The following NOL4L variants were observed in gnomAD, a reference collection of about 807,000 sequenced individuals.
NOL4L encodes nucleolar protein 4-like.
NOL4L carries 7 observed loss-of-function variants against 64.5 expected under a neutral mutation model. That is an observed-to-expected ratio of 0.11 (90% CI 0.06 to 0.20). The LOEUF (loss-of-function observed/expected upper bound fraction) is 0.20, where lower values mean the gene tolerates loss of function less well. Among genes scored for constraint, NOL4L ranks in the 10% least tolerant of loss-of-function variants. The pLI, the probability that NOL4L is intolerant of heterozygous loss-of-function variation, is 1.00. For missense variants in NOL4L, 680 were observed against 967.1 expected, an observed-to-expected ratio of 0.70 and a Z score of 3.94; for synonymous variants, 413 against 401.0, an observed-to-expected ratio of 1.03 and a Z score of -0.36.
At chr20:32,452,813 C>T in intron 9 of NOL4L, 71 bp downstream of exon 9, 1 of 1,595,788 alleles carries the variant, frequency 6.3e-7, no homozygotes, top group Admixed American at 1.7e-5. Context: ...TCCCTCAGTC[C>T]ACACCCATAT....
chr20:32,473,488 A>C (rs1956870298), intron 5 of NOL4L, among the ~76,000 whole-genome samples: 1 of 152,090 alleles, frequency 6.6e-6, no homozygotes, highest in Admixed American at 6.6e-5. Context: ...GCCGGCAGCC[A>C]CGCACCCCAC....
intron 5 of NOL4L, among the ~76,000 whole-genome samples, chr20:32,458,488 C>T (rs1418199989): frequency 1.3e-5 from 2 of 152,224 alleles, no homozygotes; most frequent in East Asian, 1.9e-4. Flanking sequence ...ATCTGCCCCA[C>T]CAGGACAGAC....
intron 1 of NOL4L, chr20:32,535,722 G>A: frequency 1.0e-6 from 1 of 985,362 alleles, no homozygotes; most frequent in Non-Finnish European, 1.2e-6. Context: ...TCTTTCTTTT[G>A]GGTTTTGTTA....
intron 6 of NOL4L, among the ~76,000 whole-genome samples, chr20:32,455,697 G>A (rs967938411): frequency 3.3e-5 from 5 of 152,178 alleles, no homozygotes; most frequent in Non-Finnish European, 7.3e-5. Context: ...CTGGGCCCTC[G>A]CCCTTTTTTC....
intron 1 of NOL4L, among the ~76,000 whole-genome samples, chr20:32,541,882 T>C (rs2018661842): frequency 6.6e-6 from 1 of 152,234 alleles, no homozygotes; most frequent in South Asian, 2.1e-4. Flanking sequence ...TGTCCAGAGC[T>C]GGTGGCTAGA....
chr20:32,493,812 G>A (rs2145523068), intron 4 of NOL4L, among the ~76,000 whole-genome samples: 1 of 152,334 alleles, frequency 6.6e-6, no homozygotes, highest in South Asian at 2.1e-4. Context: ...TGGAGCCGAT[G>A]GTGCTGGTGC....
At chr20:32,521,244 G>A (rs1402052283) in intron 2 of NOL4L, among the ~76,000 whole-genome samples, 1 of 152,096 alleles carries the variant, frequency 6.6e-6, no homozygotes, top group African/African-American at 2.4e-5. Context: ...ACAAAAAAAT[G>A]GGCTTACAAA....
chr20:32,529,823 A>G (rs2018278584), intron 1 of NOL4L, among the ~76,000 whole-genome samples: 1 of 152,206 alleles, frequency 6.6e-6, no homozygotes, highest in South Asian at 2.1e-4. Flanking sequence ...CTGTGTGTAC[A>G]GGAGAAGCCA....
At chr20:32,462,058 G>A (rs1259710582) in intron 5 of NOL4L, among the ~76,000 whole-genome samples, 3 of 152,064 alleles carry the variant, frequency 2.0e-5, no homozygotes, top group African/African-American at 4.8e-5. Context: ...AGCTGGGCCC[G>A]AGGACATCAC....
At chr20:32,555,466 AT>A (rs1030502509) in intron 1 of NOL4L, among the ~76,000 whole-genome samples, 20 of 147,764 alleles carry the variant, frequency 1.4e-4, no homozygotes, top group East Asian at 8.0e-4. Context: ...TGCCTGGCTA[AT>A]TTTTTTTTTT....
At chr20:32,521,907 C>T (rs1223175739) in intron 2 of NOL4L, among the ~76,000 whole-genome samples, 3 of 152,246 alleles carry the variant, frequency 2.0e-5, no homozygotes, top group African/African-American at 4.8e-5. Flanking sequence ...ATCACCCAAG[C>T]GTTCCGCTGT....
In NOL4L at chr20:32,464,410, A is replaced by G. The variant is rs1022813278; in HGVS notation, c.842-8015T>C. ...ATTCTCCACGTGGCCCTCAGGCCCCAGCTGCCTGCACAGCTGCCCTCCTGA... is the reference window on the plus strand; with the variant it reads ...ATTCTCCACGTGGCCCTCAGGCCCCGGCTGCCTGCACAGCTGCCCTCCTGA... On this transcript the variant is annotated intron_variant, in intron 5 of 10. Transcript: ENST00000621426. This position sits in a 1 kb window ranked among gnomAD's most constrained non-coding sequence, Gnocchi z 5.6. Among the ~76,000 whole-genome samples the G allele has an allele frequency of 6.6e-6, 1 of 152,158 alleles. No homozygotes were observed. The highest frequency in any genetic ancestry group is 2.4e-5 in the African/African-American group (1 of 41,432).
intron 5 of NOL4L, among the ~76,000 whole-genome samples, chr20:32,461,205 GGCCC>G (rs1294571318): frequency 7.2e-5 from 11 of 152,162 alleles, no homozygotes; most frequent in Non-Finnish European, 1.6e-4. Flanking sequence ...CCCTCCTTTG[GGCCC>G]ACCAGGCCCT....
chr20:32,456,136 C>A lies in NOL4L; in HGVS notation c.1101G>T (p.Gly367=), dbSNP rs1393956988. The A allele has an allele frequency of 6.5e-7, 1 of 1,546,668 alleles. No homozygotes were observed. Among genetic ancestry groups the A allele is most frequent in the Non-Finnish European group, 8.7e-7 (1 of 1,143,416 alleles). The change falls in exon 6 of 11, where the codon GGG becomes GGT. Residue 367 remains glycine, a synonymous_variant. Coordinates refer to ENST00000621426, the MANE Select transcript of NOL4L (RefSeq NM_001256798.2). ...CACACACCTCGGGGGTGGTCTTCAC[C>A]CCGTATTTGACGCGGCTCCGCAGCC... is the stretch of plus-strand genomic sequence containing the variant. ...ADGLRSRVKY[G]VKTTPESPPY...
At chr20:32,461,193 G>T (rs192720077) in intron 5 of NOL4L, among the ~76,000 whole-genome samples, 106 of 152,300 alleles carry the variant, frequency 7.0e-4, no homozygotes, top group Admixed American at 2.9e-3. Context: ...TGGAAGCCAG[G>T]TCCCTCCTTT....
chr20:32,489,078 C>T (rs1043070944), intron 4 of NOL4L, among the ~76,000 whole-genome samples: 6 of 134,252 alleles, frequency 4.5e-5, no homozygotes, highest in Middle Eastern at 4.0e-3. Context: ...TAGTTTATGA[C>T]AAGATTTTTT....
At chr20:32,515,982 T>A (rs766041828) in intron 3 of NOL4L, among the ~76,000 whole-genome samples, 1 of 152,232 alleles carries the variant, frequency 6.6e-6, no homozygotes, top group Non-Finnish European at 1.5e-5. Context: ...CCAAGCCAGG[T>A]TGTTTGCTGG....
At chr20:32,584,078 G>A (rs1568727134) in intron 1 of NOL4L, among the ~76,000 whole-genome samples, 1 of 139,822 alleles carries the variant, frequency 7.2e-6, no homozygotes, top group Non-Finnish European at 1.6e-5. Flanking sequence ...CCCGTCCCGC[G>A]GCTGCCCCTG....
At chr20:32,554,035 A>C (rs1214442493) in intron 1 of NOL4L, among the ~76,000 whole-genome samples, 1 of 152,154 alleles carries the variant, frequency 6.6e-6, no homozygotes, top group Non-Finnish European at 1.5e-5. Flanking sequence ...AATGTATTGG[A>C]TGTGGCCAGG....
Sources: allele counts gnomAD v4.1 joint callset (sites outside exome capture counted in the v4.1 genomes callset), GRCh38; gene constraint gnomAD v4.1.1; non-coding constraint Gnocchi (gnomAD v3.1); transcripts MANE v1.5; gene names NCBI Gene and HGNC (gene_info 2026-07-23, HGNC 2026-07-21).